PLCG2: variants seen among roughly 807,000 people sequenced by gnomAD.
PLCG2 encodes phospholipase C gamma 2.
PLCG2 carries 69 observed loss-of-function variants against 175.6 expected under a neutral mutation model. The ratio of observed to expected loss-of-function variants is 0.39; its 90% confidence interval spans 0.32 to 0.48. The LOEUF is 0.48. Ranked by LOEUF, PLCG2 falls within the 20% of genes least tolerant of loss-of-function variation. PLCG2 has a pLI of 0.91. For synonymous variants in PLCG2, 827 were observed against 624.0 expected, an observed-to-expected ratio of 1.33 and a Z score of -4.85; for missense variants, 1,798 against 1,650.9, an observed-to-expected ratio of 1.09 and a Z score of -1.54.
intron 1 of PLCG2, among the ~76,000 whole-genome samples, chr16:81,784,100 C>T (rs141057774): frequency 1.3e-5 from 2 of 152,136 alleles, no homozygotes; most frequent in Non-Finnish European, 2.9e-5. Flanking sequence ...GTCTGTTTCC[C>T]CATGGGCAGA....
intron 9 of PLCG2, among the ~76,000 whole-genome samples, chr16:81,888,297 G>A (rs1597109304): frequency 1.3e-5 from 2 of 152,114 alleles, no homozygotes; most frequent in Non-Finnish European, 2.9e-5. Flanking sequence ...TGCAACCTCC[G>A]CCTCTTGGGT....
rs766479642 is a variant in PLCG2 at position 81,910,558 on chromosome 16, C to T, written c.1772C>T (p.Thr591Ile). The change falls in exon 18 of 33, where the codon ACC becomes ATC. Residue 591 changes from threonine (T) to isoleucine (I), a missense_variant. Coordinates refer to ENST00000564138, the MANE Select transcript of PLCG2 (RefSeq NM_002661.5). ...GRVQHCRIRS[T>I]MEGGTLKYYL... The stretch of plus-strand genomic sequence containing the variant: ...GTCCAGCACTGCCGGATCCGCTCCA[C>T]CATGGAGGGCGGGACCCTGAAATAC... 2 of 1,614,164 alleles carry T rather than the reference C, an allele frequency of 1.2e-6. No homozygotes were observed. Among genetic ancestry groups the T allele is most frequent in the East Asian group, 2.2e-5 (1 of 44,880 alleles).
At chr16:81,880,506 A>G (rs947834014) in intron 7 of PLCG2, among the ~76,000 whole-genome samples, 2 of 152,244 alleles carry the variant, frequency 1.3e-5, no homozygotes, top group African/African-American at 2.4e-5. Context: ...GTGGAATACA[A>G]TGGTTTTTCA....
chr16:81,956,705 A>T lies in PLCG2; in HGVS notation c.3581A>T (p.Glu1194Val), dbSNP rs1426368928. 4 of 1,613,928 alleles carry T rather than the reference A, an allele frequency of 2.5e-6. No homozygotes were observed. The highest frequency in any genetic ancestry group is 3.4e-6 in the Non-Finnish European group (4 of 1,179,948). ...CEMRPVLESE[E>V]ELYSSCRQLR... The stretch of plus-strand genomic sequence containing the variant: ...CCCTGCATCCTCCAGGAGAGCGAAG[A>T]GGAACTTTACTCCTCCTGTCGCCAG... The change falls in exon 32 of 33, where the codon GAG becomes GTG. Residue 1194 changes from glutamate (E) to valine (V), a missense_variant. Transcript: ENST00000564138.
chr16:81,786,598 A>G (rs1271028801), intron 2 of PLCG2, among the ~76,000 whole-genome samples: 1 of 152,168 alleles, frequency 6.6e-6, no homozygotes, highest in Non-Finnish European at 1.5e-5. Flanking sequence ...ACTGCATACC[A>G]TAGCAGTGAG....
At chr16:81,776,299 C>T (rs528637745), upstream of PLCG2, among the ~76,000 whole-genome samples, 70 of 151,224 alleles carry the variant, frequency 4.6e-4, no homozygotes, top group South Asian at 0.013. Context: ...TCAGTAGAGA[C>T]GGGTTTTCAC....
chr16:81,762,225 T>C (rs572008540), intron 2 of PLCG2, among the ~76,000 whole-genome samples: 1 of 152,266 alleles, frequency 6.6e-6, no homozygotes, highest in Non-Finnish European at 1.5e-5. Flanking sequence ...TTCAAAGTAA[T>C]GGCAAATGCA....
At chr16:81,844,143 A>ATTTTTTTTTTTT (rs60183943) in intron 2 of PLCG2, among the ~76,000 whole-genome samples, 2 of 93,910 alleles carry the variant, frequency 2.1e-5, no homozygotes, top group Non-Finnish European at 4.0e-5. Flanking sequence ...CACCCGGCTG[A>ATTTTTTTTTTTT]TTTTTTTTTT....
At chr16:81,835,271 C>G (rs1905455396) in intron 2 of PLCG2, among the ~76,000 whole-genome samples, 2 of 152,226 alleles carry the variant, frequency 1.3e-5, no homozygotes, top group Admixed American at 6.5e-5. Flanking sequence ...ACCTTACGTA[C>G]AGCTAACACT....
At chr16:81,955,826 G>A (rs1911544872) in intron 31 of PLCG2, among the ~76,000 whole-genome samples, 1 of 152,186 alleles carries the variant, frequency 6.6e-6, no homozygotes, top group Non-Finnish European at 1.5e-5. Context: ...ATCATTACTG[G>A]CTACAGGTGA....
chr16:81,786,715 G>C, intron 2 of PLCG2, among the ~76,000 whole-genome samples: 1 of 152,296 alleles, frequency 6.6e-6, no homozygotes, highest in Middle Eastern at 3.4e-3. Flanking sequence ...CCCTACCTCC[G>C]TTTGATTGGG....
At chr16:81,800,553 T>C (rs979412414) in intron 2 of PLCG2, among the ~76,000 whole-genome samples, 9 of 152,294 alleles carry the variant, frequency 5.9e-5, no homozygotes, top group African/African-American at 2.2e-4. Flanking sequence ...TCTCGTTCCG[T>C]TTTATGGCTG....
chr16:81,880,764 T>A, intron 7 of PLCG2, 146 bp from the exon 8 acceptor site: 2 of 709,378 alleles, frequency 2.8e-6, no homozygotes, highest in Admixed American at 2.7e-5. Flanking sequence ...ATTTGAATAT[T>A]TACAACTAAC....
intron 13 of PLCG2, among the ~76,000 whole-genome samples, chr16:81,897,528 TTTTTC>T (rs1265060825): frequency 6.7e-5 from 10 of 148,492 alleles, no homozygotes; most frequent in African/African-American, 1.7e-4. Flanking sequence ...TTTTTCTCTT[TTTTTC>T]TTTTCTTTTC....
At chr16:81,776,101 T>TTTCTTTCTTTCTTTCTTTC (rs1910398133), upstream of PLCG2, among the ~76,000 whole-genome samples, 1 of 55,310 alleles carries the variant, frequency 1.8e-5, no homozygotes, top group African/African-American at 5.7e-5. Context: ...TTCTTTCTTT[T>TTTCTTTCTTTCTTTCTTTC]TTTCCTTCTT....
intron 5 of PLCG2, among the ~76,000 whole-genome samples, chr16:81,868,795 C>T (rs1168992506): frequency 1.3e-5 from 2 of 152,256 alleles, no homozygotes; most frequent in Admixed American, 1.3e-4. Context: ...CAAGACCTTC[C>T]TCCATGACCA....
intron 2 of PLCG2, among the ~76,000 whole-genome samples, chr16:81,761,764 A>G (rs1567695808): frequency 6.6e-6 from 1 of 151,968 alleles, no homozygotes; most frequent in Admixed American, 6.6e-5. Context: ...TAAAACATAC[A>G]GAAAAGTAAA....
intron 2 of PLCG2, among the ~76,000 whole-genome samples, chr16:81,827,929 A>G (rs986737044): frequency 6.6e-6 from 1 of 151,948 alleles, no homozygotes; most frequent in Admixed American, 6.6e-5. Flanking sequence ...CGTCTCTACT[A>G]AAAATACAAA....
chr16:81,880,546 C>T (rs1481043194), intron 7 of PLCG2, among the ~76,000 whole-genome samples: 1 of 149,698 alleles, frequency 6.7e-6, no homozygotes. Context: ...TTTGAGGTTG[C>T]AGAATAATAT....
Sources: gnomAD v4.1 joint callset for allele counts (sites outside exome capture counted in the v4.1 genomes callset) on GRCh38, gnomAD v4.1.1 for gene constraint, MANE v1.5 for transcripts, NCBI Gene and HGNC (gene_info 2026-07-23, HGNC 2026-07-21) for gene names.